SPEF2: variants seen among roughly 807,000 people sequenced by gnomAD.
SPEF2 encodes sperm flagella and cilia-associated protein 2.
In SPEF2, 187 loss-of-function variants were observed where a neutral mutation model predicts 224.6. The observed-to-expected ratio is 0.83, with a 90% CI of 0.74 to 0.94. The LOEUF (loss-of-function observed/expected upper bound fraction) is 0.94, where lower values mean the gene tolerates loss of function less well. SPEF2 is among the 40% of genes least tolerant of loss of function. SPEF2 has a pLI of 0.00. For missense variants in SPEF2, 2,170 were observed against 2,135.6 expected, an observed-to-expected ratio of 1.02 and a Z score of -0.32; for synonymous variants, 715 against 707.3, an observed-to-expected ratio of 1.01 and a Z score of -0.17.
At chr5:35,787,844 ACAATGTG>A in intron 30 of SPEF2, 1 of 555,888 alleles carries the variant, frequency 1.8e-6, no homozygotes, top group Non-Finnish European at 3.2e-6. Context: ...ACTTAAAATA[ACAATGTG>A]GAGTTATTTT....
At chr5:35,775,421 A>G (rs907277849) in intron 28 of SPEF2, among the ~76,000 whole-genome samples, 4 of 152,146 alleles carry the variant, frequency 2.6e-5, no homozygotes, top group African/African-American at 4.8e-5. Context: ...ATTACGTGCC[A>G]TGGCAGAGAG....
intron 23 of SPEF2, among the ~76,000 whole-genome samples, chr5:35,741,976 A>G (rs1408570175): frequency 6.6e-6 from 1 of 152,228 alleles, no homozygotes; most frequent in Non-Finnish European, 1.5e-5. Context: ...CAAATGCGAC[A>G]TATGTTTATT....
intron 20 of SPEF2, among the ~76,000 whole-genome samples, chr5:35,713,551 T>A (rs548384666): frequency 2.0e-5 from 3 of 151,338 alleles, no homozygotes; most frequent in Non-Finnish European, 4.4e-5. Context: ...CTGGCCAACA[T>A]GGTGAAACCC....
intron 30 of SPEF2, among the ~76,000 whole-genome samples, chr5:35,784,452 C>T (rs1399798280): frequency 6.6e-6 from 1 of 151,544 alleles, no homozygotes; most frequent in Non-Finnish European, 1.5e-5. Flanking sequence ...TAATGACTGG[C>T]CTCAGAGACA....
intron 20 of SPEF2, among the ~76,000 whole-genome samples, chr5:35,719,770 T>C (rs2149628510): frequency 6.6e-6 from 1 of 152,202 alleles, no homozygotes; most frequent in Admixed American, 6.5e-5. Context: ...TATAAGCACA[T>C]GCCACCACAC....
chr5:35,793,279 C>T lies in SPEF2; in HGVS notation c.4675C>T (p.Gln1559Ter), dbSNP rs1048160805. 1.9e-6 allele frequency: 3 copies of T among 1,614,034 alleles called. No individual in the cohort carries two copies. The highest frequency in any genetic ancestry group is 2.7e-5 in the African/African-American group (2 of 74,918). The change falls in exon 32 of 37, where the codon CAG (glutamine) becomes TAG (stop). Residue 1559 changes from glutamine (Q) to a stop codon, truncating the protein, a stop_gained. Coordinates refer to ENST00000356031, the MANE Select transcript of SPEF2 (RefSeq NM_024867.4). LOFTEE classifies it high-confidence loss of function. ...GGAGGAGGAGCTCCTTGAGACCCTT[C>T]AGAAGTTCAAGGCTGTGGATAAGGA... ...PLEEELLETL[Q>*]KFKAVDKEQL...
At chr5:35,645,583 A>C (rs1488047148) in intron 4 of SPEF2, among the ~76,000 whole-genome samples, 1 of 152,206 alleles carries the variant, frequency 6.6e-6, no homozygotes, top group Non-Finnish European at 1.5e-5. Context: ...TTGGTGTTAC[A>C]TGATAAAGAG....
rs1249575706 is a variant in SPEF2 at position 35,793,316 on chromosome 5, C to A, written c.4712C>A (p.Thr1571Asn). The stretch of plus-strand genomic sequence containing the variant: ...GCTGTGGATAAGGAGCAGTTGGGCA[C>A]CATCACTTTTGAGCAGTATATGCAG... ...FKAVDKEQLG[T>N]ITFEQYMQAG... The change falls in exon 32 of 37, where the codon ACC (threonine) becomes AAC (asparagine). Residue 1571 changes from threonine (T) to asparagine (N), a missense_variant. Coordinates refer to ENST00000356031, the MANE Select transcript of SPEF2 (RefSeq NM_024867.4). 2 of 1,613,742 alleles carry A rather than the reference C, an allele frequency of 1.2e-6. No individual in the cohort carries two copies. The highest frequency in any genetic ancestry group is 1.7e-6 in the Non-Finnish European group (2 of 1,179,944).
In SPEF2 at chr5:35,750,995, ATG is replaced by A. The variant is rs1333177258; in HGVS notation, c.3331-2627_3331-2626del. Among the ~76,000 whole-genome samples, 526 of 121,414 alleles carry A rather than the reference ATG, an allele frequency of 4.3e-3. 14 individuals carry two copies. Among genetic ancestry groups the A allele is most frequent in the African/African-American group, 0.016 (476 of 29,550 alleles). 79.7% of individuals were successfully genotyped at this position (121,414 alleles called of 152,430 possible). A position where few individuals can be genotyped will look rare whatever the true frequency, so the allele number is the denominator to read the frequency against. On this transcript the variant is annotated intron_variant, in intron 23 of 36. Coordinates refer to ENST00000356031, the MANE Select transcript of SPEF2 (RefSeq NM_024867.4). ...TAAAGAAACTGTGCTATATATATAT[ATG>A]TATATATATATATACGTATATATAT...
intron 30 of SPEF2, among the ~76,000 whole-genome samples, chr5:35,780,404 G>A (rs951626825): frequency 6.6e-6 from 1 of 152,168 alleles, no homozygotes; most frequent in African/African-American, 2.4e-5. Context: ...GCGCTTTGAT[G>A]TGTCAGCTCA....
intron 30 of SPEF2, chr5:35,790,635 A>G: frequency 7.3e-6 from 2 of 274,082 alleles, no homozygotes; most frequent in Non-Finnish European, 1.3e-5. Context: ...CTGCTACACA[A>G]TGGTGTTATT....
intron 1 of SPEF2, among the ~76,000 whole-genome samples, chr5:35,622,499 G>A (rs1197832570): frequency 1.3e-5 from 2 of 152,188 alleles, no homozygotes; most frequent in African/African-American, 4.8e-5. Flanking sequence ...TTTAGCAGAT[G>A]AGGAAATCTA....
chr5:35,719,442 GT>G (rs960845889), intron 20 of SPEF2, among the ~76,000 whole-genome samples: 4 of 152,236 alleles, frequency 2.6e-5, no homozygotes, highest in African/African-American at 9.6e-5. Flanking sequence ...AATTATTTCT[GT>G]GTAGGCCTTT....
intron 4 of SPEF2, 59 bp from the exon 5 acceptor site, chr5:35,646,608 T>A (rs1747403353): frequency 2.0e-6 from 3 of 1,516,734 alleles, no homozygotes; most frequent in Non-Finnish European, 2.7e-6. Context: ...CCTATGAGTG[T>A]ATTATATTGC....
At chr5:35,688,578 C>G (rs188358813) in intron 10 of SPEF2, among the ~76,000 whole-genome samples, 1 of 151,856 alleles carries the variant, frequency 6.6e-6, no homozygotes, top group African/African-American at 2.4e-5. Context: ...TTTAGCCTTC[C>G]TTGGATTCAT....
chr5:35,775,626 A>G (rs1580691165), intron 28 of SPEF2, among the ~76,000 whole-genome samples: 1 of 152,140 alleles, frequency 6.6e-6, no homozygotes, highest in East Asian at 1.9e-4. Flanking sequence ...TCACATCTGC[A>G]GGTAAGACAA....
chr5:35,720,211 A>AT (rs1266884429), intron 20 of SPEF2, among the ~76,000 whole-genome samples: 1 of 152,204 alleles, frequency 6.6e-6, no homozygotes, highest in African/African-American at 2.4e-5. Context: ...CATGCTCCAA[A>AT]TTTTGATCAT....
intron 10 of SPEF2, among the ~76,000 whole-genome samples, chr5:35,690,508 A>T (rs1182272864): frequency 3.3e-5 from 5 of 152,092 alleles, no homozygotes; most frequent in Non-Finnish European, 7.4e-5. Context: ...ATCAACTTCT[A>T]ATTATATTAC....
intron 27 of SPEF2, 73 bp downstream of exon 27, chr5:35,771,829 G>C: frequency 6.6e-7 from 1 of 1,511,876 alleles, no homozygotes; most frequent in Non-Finnish European, 8.9e-7. Context: ...CATTTAACTG[G>C]ACACATTATT....
Sources: allele counts gnomAD v4.1 joint callset (sites outside exome capture counted in the v4.1 genomes callset), GRCh38; gene constraint gnomAD v4.1.1; transcripts MANE v1.5; gene names NCBI Gene and HGNC (gene_info 2026-07-23, HGNC 2026-07-21).